Variants in NEK7 observed in about 807,000 individuals in gnomAD.
NEK7 encodes serine/threonine-protein kinase Nek7.
NEK7 carries 18 observed loss-of-function variants against 44.6 expected under a neutral mutation model. The ratio of observed to expected loss-of-function variants is 0.40; its 90% CI spans 0.28 to 0.60. The LOEUF (loss-of-function observed/expected upper bound fraction) is 0.60. Among genes scored for constraint, NEK7 ranks in the 20% least tolerant of loss-of-function variants. The pLI is 0.38. For missense variants in NEK7, 256 were observed against 366.5 expected (o/e 0.70, Z 2.46); for synonymous variants, 130 against 121.1 (o/e 1.07, Z -0.48).
chr1:198,214,949 A>G (rs913989130), intron 1 of NEK7, among the ~76,000 whole-genome samples: 1 of 152,186 alleles, frequency 6.6e-6, no homozygotes, highest in African/African-American at 2.4e-5. Flanking sequence ...GGTAACCTAC[A>G]ATGGAAACCG....
At chr1:198,289,131 T>TTGTGTGTGTGTG (rs71133921) in intron 7 of NEK7, among the ~76,000 whole-genome samples, 7 of 148,758 alleles carry the variant, frequency 4.7e-5, no homozygotes, top group African/African-American at 1.7e-4. Flanking sequence ...TTCCCTGAAG[T>TTGTGTGTGTGTG]TGTGTGTGTG....
chr1:198,173,067 G>C (rs1296230712), intron 1 of NEK7, among the ~76,000 whole-genome samples: 3 of 152,104 alleles, frequency 2.0e-5, no homozygotes, highest in Non-Finnish European at 4.4e-5. Flanking sequence ...TAGAGAGACT[G>C]ATATATAGCA....
At chr1:198,211,465 G>T (rs1665767979) in intron 1 of NEK7, among the ~76,000 whole-genome samples, 2 of 152,092 alleles carry the variant, frequency 1.3e-5, no homozygotes, top group Non-Finnish European at 2.9e-5. Context: ...TTCCTAATGG[G>T]TCATTCTGAT....
chr1:198,157,317 C>T (rs1229473692), intron 1 of NEK7, 41 bp downstream of exon 1: 2 of 152,272 alleles, frequency 1.3e-5, no homozygotes, highest in Non-Finnish European at 2.9e-5. Context: ...GACCGGGCAG[C>T]TCCTGCCGGG....
At chr1:198,184,782 C>T (rs905918742) in intron 1 of NEK7, among the ~76,000 whole-genome samples, 3 of 152,144 alleles carry the variant, frequency 2.0e-5, no homozygotes, top group African/African-American at 7.2e-5. Flanking sequence ...GGTCCTCTTG[C>T]TTCGGCCTCC....
At chr1:198,279,382 G>C (rs565560979) in intron 7 of NEK7, among the ~76,000 whole-genome samples, 19 of 151,866 alleles carry the variant, frequency 1.3e-4, no homozygotes, top group Admixed American at 7.9e-4. Flanking sequence ...GCTGTCTCTT[G>C]GAAGAAGACT....
At chr1:198,279,694 C>G (rs571146772) in intron 7 of NEK7, among the ~76,000 whole-genome samples, 1 of 151,588 alleles carries the variant, frequency 6.6e-6, no homozygotes, top group Non-Finnish European at 1.5e-5. Context: ...TCATAGAAAG[C>G]CTTTTTTTTA....
chr1:198,303,178 T>A (rs1320941982), intron 9 of NEK7, among the ~76,000 whole-genome samples: 2 of 152,110 alleles, frequency 1.3e-5, no homozygotes, highest in Non-Finnish European at 2.9e-5. Flanking sequence ...TTTCCATACA[T>A]TTGAGTATGA....
At chr1:198,256,251 T>C in intron 3 of NEK7, 2 of 1,426,354 alleles carry the variant, frequency 1.4e-6, no homozygotes, top group Non-Finnish European at 1.8e-6. Context: ...CCTTCCCTAC[T>C]TTGTGCCACT....
At chr1:198,165,159 C>G (rs1323782794) in intron 1 of NEK7, among the ~76,000 whole-genome samples, 1 of 152,216 alleles carries the variant, frequency 6.6e-6, no homozygotes, top group Non-Finnish European at 1.5e-5. Context: ...ACTTCCTTCA[C>G]TGAAATCTTG....
At chr1:198,313,471 A>G (rs1376728834) in intron 9 of NEK7, among the ~76,000 whole-genome samples, 2 of 133,552 alleles carry the variant, frequency 1.5e-5, no homozygotes, top group Admixed American at 7.7e-5. Context: ...TGTGAATTTG[A>G]TCCTGTCATT....
intron 7 of NEK7, among the ~76,000 whole-genome samples, chr1:198,280,181 A>G (rs1045298029): frequency 6.6e-6 from 1 of 152,060 alleles, no homozygotes; most frequent in Non-Finnish European, 1.5e-5. Context: ...CAGCACTTTA[A>G]TAAAGTTTTA....
At chr1:198,169,744 CA>C (rs1571497920) in intron 1 of NEK7, among the ~76,000 whole-genome samples, 1 of 152,098 alleles carries the variant, frequency 6.6e-6, no homozygotes, top group African/African-American at 2.4e-5. Context: ...AAGTACTATA[CA>C]AAAAAATACA....
At chr1:198,258,668 A>C (rs904137083) in intron 3 of NEK7, among the ~76,000 whole-genome samples, 1 of 152,118 alleles carries the variant, frequency 6.6e-6, no homozygotes, top group African/African-American at 2.4e-5. Flanking sequence ...ACAAAAGAAA[A>C]CCTTTAAAAT....
intron 1 of NEK7, among the ~76,000 whole-genome samples, chr1:198,172,068 G>C (rs1223345486): frequency 6.6e-6 from 1 of 152,164 alleles, no homozygotes; most frequent in Non-Finnish European, 1.5e-5. Context: ...ATTCCCAGCA[G>C]CTCTGTGGTA....
intron 1 of NEK7, among the ~76,000 whole-genome samples, chr1:198,158,112 T>TC (rs1385877854): frequency 6.6e-6 from 1 of 152,144 alleles, no homozygotes; most frequent in Admixed American, 6.5e-5. Flanking sequence ...CTCTATTTAG[T>TC]CTTGCACTGG....
intron 9 of NEK7, among the ~76,000 whole-genome samples, chr1:198,310,079 A>G (rs1370086531): frequency 1.3e-5 from 2 of 151,722 alleles, no homozygotes; most frequent in Admixed American, 6.6e-5. Flanking sequence ...AAGTGTTCCT[A>G]TTTCTCCACA....
At chr1:198,311,363 T>C (rs1200255966) in intron 9 of NEK7, among the ~76,000 whole-genome samples, 1 of 152,176 alleles carries the variant, frequency 6.6e-6, no homozygotes, top group Non-Finnish European at 1.5e-5. Context: ...TTTGTAGATA[T>C]ACAATCATGT....
At chr1:198,305,161 T>G (rs1327849464) in intron 9 of NEK7, among the ~76,000 whole-genome samples, 10 of 152,288 alleles carry the variant, frequency 6.6e-5, no homozygotes, top group South Asian at 6.2e-4. Flanking sequence ...ATATTGGAAT[T>G]ATTTCTAAAA....
Sources: allele counts gnomAD v4.1 joint callset (sites outside exome capture counted in the v4.1 genomes callset), GRCh38; gene constraint gnomAD v4.1.1; transcripts MANE v1.5; gene names NCBI Gene and HGNC (gene_info 2026-07-23, HGNC 2026-07-21).